PRR5L: variants seen among roughly 807,000 people sequenced by gnomAD.
PRR5L encodes proline-rich protein 5-like.
In PRR5L, 21 loss-of-function variants were observed where a neutral mutation model predicts 36.4. The observed-to-expected ratio is 0.58, with a 90% confidence interval of 0.41 to 0.83. PRR5L has a LOEUF of 0.83. PRR5L is among the 40% of genes least tolerant of loss of function. The pLI, the probability that PRR5L is intolerant of heterozygous loss-of-function variation, is 0.00. For missense variants in PRR5L, 381 were observed against 473.3 expected (o/e 0.80, Z 1.81); for synonymous variants, 188 against 197.0 (o/e 0.95, Z 0.38).
At chr11:36,305,461 G>C (rs760384520) in intron 1 of PRR5L, among the ~76,000 whole-genome samples, 1 of 152,094 alleles carries the variant, frequency 6.6e-6, no homozygotes, top group Non-Finnish European at 1.5e-5. Context: ...AATTTGCTGT[G>C]GTGATGGTTG....
chr11:36,403,583 T>C (rs1857847501), intron 3 of PRR5L, among the ~76,000 whole-genome samples: 1 of 152,076 alleles, frequency 6.6e-6, no homozygotes, highest in Admixed American at 6.5e-5. Context: ...GAGAATCATT[T>C]GTTCAGTATG....
intron 8 of PRR5L, among the ~76,000 whole-genome samples, chr11:36,458,118 C>T (rs1354183386): frequency 1.3e-5 from 2 of 152,218 alleles, no homozygotes; most frequent in African/African-American, 2.4e-5. Context: ...TTGGTTGCTC[C>T]TTGGCGTTTT....
At chr11:36,446,495 A>T in intron 7 of PRR5L, 55 bp downstream of exon 7, 1 of 1,601,156 alleles carries the variant, frequency 6.2e-7, no homozygotes, top group Non-Finnish European at 8.5e-7. Flanking sequence ...GAGGGAAGAG[A>T]TTGCCTTTCT....
intron 3 of PRR5L, among the ~76,000 whole-genome samples, chr11:36,416,973 G>A (rs7948430): frequency 1 from 151,730 of 152,330 alleles, 75,570 homozygotes; most frequent in East Asian, 1. Flanking sequence ...TCCCTCCTCC[G>A]TGCTGCTCTC....
chr11:36,362,779 C>T (rs1857104569), intron 1 of PRR5L, among the ~76,000 whole-genome samples: 1 of 151,852 alleles, frequency 6.6e-6, no homozygotes, highest in South Asian at 2.1e-4. Flanking sequence ...AATGTGCTGT[C>T]ATTGATTTTA....
At chr11:36,436,165 A>G (rs965022746) in intron 5 of PRR5L, among the ~76,000 whole-genome samples, 1 of 152,190 alleles carries the variant, frequency 6.6e-6, no homozygotes, top group Non-Finnish European at 1.5e-5. Context: ...TTTATTGCCC[A>G]TTAAATTAAT....
intron 1 of PRR5L, among the ~76,000 whole-genome samples, chr11:36,340,898 A>T (rs1466037): frequency 0.85 from 129,487 of 152,190 alleles, 55,313 homozygotes; most frequent in East Asian, 0.99. Flanking sequence ...CCTAGCAGTG[A>T]CTCTGGGGCC....
intron 1 of PRR5L, among the ~76,000 whole-genome samples, chr11:36,348,380 T>C (rs1240063315): frequency 6.6e-6 from 1 of 152,158 alleles, no homozygotes; most frequent in Non-Finnish European, 1.5e-5. Flanking sequence ...ATGAAGGATG[T>C]AAATCGAAGG....
At chr11:36,449,753 T>C (rs764072709) in intron 7 of PRR5L, among the ~76,000 whole-genome samples, 2 of 152,220 alleles carry the variant, frequency 1.3e-5, no homozygotes, top group Non-Finnish European at 2.9e-5. Context: ...ATTCCATAGC[T>C]GTTTGGCAGC....
chr11:36,431,076 G>A (rs914472121), intron 4 of PRR5L, among the ~76,000 whole-genome samples: 2 of 152,118 alleles, frequency 1.3e-5, no homozygotes, highest in Non-Finnish European at 2.9e-5. Flanking sequence ...AGTCTTAGGG[G>A]GCCAACTATA....
chr11:36,415,392 A>T (rs572149718), intron 3 of PRR5L, among the ~76,000 whole-genome samples: 68 of 152,228 alleles, frequency 4.5e-4, no homozygotes, highest in Non-Finnish European at 6.3e-4. Context: ...AAGGCTTTAC[A>T]TGTAGACATA....
At chr11:36,414,227 C>T (rs1009552378) in intron 3 of PRR5L, among the ~76,000 whole-genome samples, 2 of 151,132 alleles carry the variant, frequency 1.3e-5, no homozygotes, top group East Asian at 3.9e-4. Flanking sequence ...GGGTATATAC[C>T]CAGTAATGGG....
intron 8 of PRR5L, among the ~76,000 whole-genome samples, chr11:36,454,444 GC>G (rs1800481250): frequency 6.6e-6 from 1 of 152,188 alleles, no homozygotes. Context: ...GAGATCGCTG[GC>G]TGAAGTAAAA....
intron 7 of PRR5L, among the ~76,000 whole-genome samples, chr11:36,449,864 G>A (rs1346223494): frequency 6.6e-6 from 1 of 152,148 alleles, no homozygotes; most frequent in African/African-American, 2.4e-5. Flanking sequence ...TCCAAATCAC[G>A]TGTTCATTAT....
chr11:36,392,086 G>A (rs1459591068), intron 1 of PRR5L, among the ~76,000 whole-genome samples: 4 of 152,102 alleles, frequency 2.6e-5, no homozygotes, highest in African/African-American at 9.7e-5. Flanking sequence ...TCTGTGGCTG[G>A]CTTATTTCAC....
At chr11:36,350,007 C>T (rs1455657509) in intron 1 of PRR5L, 1 of 151,998 alleles carries the variant, frequency 6.6e-6, no homozygotes, top group Non-Finnish European at 1.5e-5. Flanking sequence ...GAAAACATAC[C>T]TTAGGCTATA....
At chr11:36,428,036 G>A (rs918234059) in intron 4 of PRR5L, among the ~76,000 whole-genome samples, 4 of 152,248 alleles carry the variant, frequency 2.6e-5, no homozygotes, top group Non-Finnish European at 5.9e-5. Context: ...AGTCCAGGGA[G>A]TGCAGGATGG....
At chr11:36,386,287 G>GA (rs1224429244) in intron 1 of PRR5L, among the ~76,000 whole-genome samples, 24 of 150,004 alleles carry the variant, frequency 1.6e-4, no homozygotes, top group Admixed American at 1.1e-3. Context: ...CCTTGTCTTA[G>GA]AAAAAAAAAG....
At chr11:36,460,715 A>G (rs1859162261) in intron 8 of PRR5L, among the ~76,000 whole-genome samples, 1 of 152,198 alleles carries the variant, frequency 6.6e-6, no homozygotes, top group South Asian at 2.1e-4. Context: ...TGCCCAAGGA[A>G]GCTTCCTGAG....
Sources: gnomAD v4.1 joint callset for allele counts (sites outside exome capture counted in the v4.1 genomes callset) on GRCh38, gnomAD v4.1.1 for gene constraint, MANE v1.5 for transcripts, NCBI Gene and HGNC (gene_info 2026-07-23, HGNC 2026-07-21) for gene names.